Variants in SPCS1 observed in about 807,000 individuals in gnomAD.
The protein encoded by SPCS1 is SPase 12 kDa subunit.
SPCS1 carries 10 observed loss-of-function variants against 16.4 expected under a neutral mutation model. That is an observed-to-expected ratio of 0.61 (90% CI 0.38 to 1.03). The LOEUF is 1.03. SPCS1 is among the 50% of genes least tolerant of loss of function. SPCS1 has a pLI of 0.01. For missense variants in SPCS1, 118 were observed against 123.8 expected, an observed-to-expected ratio of 0.95 and a Z score of 0.22; for synonymous variants, 47 against 42.5, an observed-to-expected ratio of 1.10 and a Z score of -0.41.
In SPCS1 at chr3:52,706,827, A is replaced by T; in HGVS notation, c.131A>T (p.Gln44Leu). ...VGFIYGYVAE[Q>L]FGWTVYIVMA... ...TTTATCTACGGGTACGTGGCTGAAC[A>T]GTTCGGGTGGACTGTCTATATAGTT... The change falls in exon 3 of 4, where the codon CAG becomes CTG. Residue 44 changes from glutamine to leucine, a missense_variant. Coordinates refer to ENST00000619898, the MANE Select transcript of SPCS1 (RefSeq NM_014041.5). 1.2e-6 allele frequency: 2 copies of T among 1,614,136 alleles called. No individual in the cohort carries two copies. Among genetic ancestry groups the T allele is most frequent in the African/African-American group, 2.7e-5 (2 of 75,026 alleles).
At position 52,710,286 on chromosome 3, in the gene SPCS1, A is replaced by AC. The variant is rs2097349096; in HGVS notation, c.*2476dup. On this transcript the variant is annotated 3_prime_UTR_variant, in exon 4 of 4. Transcript: ENST00000619898. ...AGGATGAGGTAGGAGAATGGAGTGA[A>AC]CCTGGGAGGCGGAGCTTGCAGTGAT... is the stretch of plus-strand genomic sequence containing the variant. The AC allele has an allele frequency of 6.6e-6, 1 of 152,006 alleles. No homozygotes were observed. Among genetic ancestry groups the AC allele is most frequent in the African/African-American group, 2.4e-5 (1 of 41,368 alleles). 9.4% of individuals were successfully genotyped at this position (152,006 alleles called of 1,614,324 possible). A position where few individuals can be genotyped will look rare whatever the true frequency, so the allele number is the denominator to read the frequency against.
At chr3:52,706,460 C>T (rs2097344833) in intron 1 of SPCS1, 178 bp downstream of exon 1, 2 of 830,882 alleles carry the variant, frequency 2.4e-6, no homozygotes, top group South Asian at 1.8e-5. Context: ...ATCTCCTGTC[C>T]ATTCTCCGTG....
intron 1 of SPCS1, 135 bp downstream of exon 1, chr3:52,706,417 C>T (rs2097344783): frequency 2.0e-6 from 2 of 989,992 alleles, no homozygotes; most frequent in Non-Finnish European, 2.9e-6. Context: ...CCCGAATTGC[C>T]TCCTGGGTCC....
In SPCS1 at chr3:52,706,122, C is replaced by G. The variant is rs1236133385; in HGVS notation, c.-125C>G. 4.5e-6 allele frequency: 7 copies of G among 1,539,972 alleles called. No individual in the cohort carries two copies. The highest frequency in any genetic ancestry group is 6.1e-6 in the Non-Finnish European group (7 of 1,146,794). On this transcript the variant is annotated 5_prime_UTR_variant, in exon 1 of 4. Transcript: ENST00000619898. ...TCCGGGGCCGCCGCCATCGCTCTCC[C>G]GGGCTTAGAAGGCCCGGCTACTGAC...
intron 1 of SPCS1, 154 bp from the exon 2 acceptor site, chr3:52,706,490 C>G: frequency 1.2e-6 from 1 of 857,762 alleles, no homozygotes; most frequent in East Asian, 2.6e-5. Context: ...CAGTTCCTCC[C>G]GGGAAGCCCA....
rs561967540 is a variant in SPCS1 at position 52,707,919 on chromosome 3, G to A, written c.*107G>A. 1 of 1,386,506 alleles carries A rather than the reference G, an allele frequency of 7.2e-7. No homozygotes were observed. Among genetic ancestry groups the A allele is most frequent in the African/African-American group, 1.4e-5 (1 of 69,524 alleles). The allele number at this position is 1,386,506 out of a possible 1,614,324, so 85.9% of individuals were successfully genotyped here. On this transcript the variant is annotated 3_prime_UTR_variant, in exon 4 of 4. Transcript: ENST00000619898. ...CCTAATGCTCTTATGGCACAGCTGT[G>A]TATAGATTTAGTTCTCTTTATACTT...
In SPCS1 at chr3:52,706,781, A is replaced by C; in HGVS notation, c.97-12A>C. The C allele has an allele frequency of 6.2e-7, 1 of 1,612,850 alleles. No individual in the cohort carries two copies. Among genetic ancestry groups the C allele is most frequent in the East Asian group, 2.2e-5 (1 of 44,860 alleles). On this transcript the variant is annotated splice_polypyrimidine_tract_variant and intron_variant, in intron 2 of 3. Coordinates refer to ENST00000619898, the MANE Select transcript of SPCS1 (RefSeq NM_014041.5). ...AGTTTGAGTGTGTTTAATATACTTC[A>C]TTTGTCTCTAGATAGTTGGATTTAT...
At chr3:52,707,595 C>A in intron 3 of SPCS1, 92 bp from the exon 4 acceptor site, 1 of 1,369,824 alleles carries the variant, frequency 7.3e-7, no homozygotes, top group Non-Finnish European at 1.0e-6. Context: ...GTTCCCTCAG[C>A]ATAGGAGTCA....
rs1388738961 is a variant in SPCS1 at position 52,707,751 on chromosome 3, C to CA, written c.250dup (p.Ser84LysfsTer13). ...CTCAAGTGGTTACCTGTTCAAGAAT[C>CA]AAGCACAGACGACAAGAAACCAGGG... On this transcript the variant is annotated frameshift_variant, in exon 4 of 4. Transcript: ENST00000619898. LOFTEE classifies it high-confidence loss of function. 6.2e-7 allele frequency: 1 copy of CA among 1,613,956 alleles called. No homozygotes were observed. Among genetic ancestry groups the CA allele is most frequent in the Non-Finnish European group, 8.5e-7 (1 of 1,180,000 alleles).
chr3:52,708,750 A>G lies in SPCS1; in HGVS notation c.*938A>G, dbSNP rs1244921779. On this transcript the variant is annotated 3_prime_UTR_variant, in exon 4 of 4. Transcript: ENST00000619898. ...CGGATCATGTACAAAGCAACAGGAA[A>G]AAAAAAACTGCAAGCAGTAAAGGTT... The G allele has an allele frequency of 6.6e-6, 1 of 152,202 alleles. No homozygotes were observed. The highest frequency in any genetic ancestry group is 1.5e-5 in the Non-Finnish European group (1 of 68,034). The allele number at this position is 152,202 out of a possible 1,614,324, so 9.4% of individuals were successfully genotyped here.
Position 52,709,431 on chromosome 3 carries a change from G to C in SPCS1, c.*1619G>C, listed in dbSNP as rs939365720. On this transcript the variant is annotated 3_prime_UTR_variant, in exon 4 of 4. Coordinates refer to ENST00000619898, the MANE Select transcript of SPCS1 (RefSeq NM_014041.5). ...AATAAGAAAGTATGGGGGAAGTCAG[G>C]TGTGGTGGTTCATGCCTATAATCCC... The C allele has an allele frequency of 6.6e-6, 1 of 151,916 alleles. No individual in the cohort carries two copies. Among genetic ancestry groups the C allele is most frequent in the Non-Finnish European group, 1.5e-5 (1 of 67,986 alleles). 9.4% of individuals were successfully genotyped at this position (151,916 alleles called of 1,614,324 possible). A position where few individuals can be genotyped will look rare whatever the true frequency, so the allele number is the denominator to read the frequency against.
chr3:52,707,144 G>A (rs3755798), intron 3 of SPCS1: 189,024 of 427,584 alleles, frequency 0.44, 42,144 homozygotes, highest in Admixed American at 0.52. Context: ...TGGTGCTCAC[G>A]TTGTCCCTTC....
At position 52,708,041 on chromosome 3, in the gene SPCS1, A is replaced by C; in HGVS notation, c.*229A>C. On this transcript the variant is annotated 3_prime_UTR_variant, in exon 4 of 4. Coordinates refer to ENST00000619898, the MANE Select transcript of SPCS1 (RefSeq NM_014041.5). ...TGGGGAACAGAACACACAAGTATGA[A>C]GTTTCTTTCAGGTGTAAATAATGAA... 1 of 376,956 alleles carries C rather than the reference A, an allele frequency of 2.7e-6. No individual in the cohort carries two copies. The highest frequency in any genetic ancestry group is 4.8e-6 in the Non-Finnish European group (1 of 207,288). The allele number at this position is 376,956 out of a possible 1,614,324, so 23.4% of individuals were successfully genotyped here. A position where few individuals can be genotyped will look rare whatever the true frequency, so the allele number is the denominator to read the frequency against.
Position 52,709,990 on chromosome 3 carries a change from G to A in SPCS1, c.*2178G>A, listed in dbSNP as rs2097348766. On this transcript the variant is annotated 3_prime_UTR_variant, in exon 4 of 4. Transcript: ENST00000619898. Reference sequence around the variant, plus strand: ...ACCAGGCTGTGAGCACTGTAAAAGGGCAGGAAGTATTGTTTTATTCACCAC... The same window carrying A: ...ACCAGGCTGTGAGCACTGTAAAAGGACAGGAAGTATTGTTTTATTCACCAC... 6.6e-6 allele frequency: 1 copy of A among 152,168 alleles called. No individual in the cohort carries two copies. The highest frequency in any genetic ancestry group is 1.5e-5 in the Non-Finnish European group (1 of 68,046). 9.4% of individuals were successfully genotyped at this position (152,168 alleles called of 1,614,324 possible).
At position 52,706,187 on chromosome 3, in the gene SPCS1, C is replaced by A; in HGVS notation, c.-60C>A. ...CTTACCCCTCACGGTCCTTAAGTCT[C>A]GGTCGCCCTCGCCTCGCAGCCTGCC... On this transcript the variant is annotated 5_prime_UTR_variant, in exon 1 of 4. Coordinates refer to ENST00000619898, the MANE Select transcript of SPCS1 (RefSeq NM_014041.5). The A allele has an allele frequency of 6.4e-7, 1 of 1,552,366 alleles. No individual in the cohort carries two copies.
At chr3:52,707,055 A>G in intron 3 of SPCS1, 176 bp downstream of exon 3, 1 of 627,216 alleles carries the variant, frequency 1.6e-6, no homozygotes, top group Admixed American at 2.8e-5. Context: ...GGTGCGAACT[A>G]TATAAAAGGA....
rs927629018 is a variant in SPCS1 at position 52,706,167 on chromosome 3, C to T, written c.-80C>T. On this transcript the variant is annotated 5_prime_UTR_variant, in exon 1 of 4. Coordinates refer to ENST00000619898, the MANE Select transcript of SPCS1 (RefSeq NM_014041.5). ...ACTGACGCGCAGTGCCAGACCTTACCCCTCACGGTCCTTAAGTCTCGGTCG... is the reference window on the plus strand; with the variant it reads ...ACTGACGCGCAGTGCCAGACCTTACTCCTCACGGTCCTTAAGTCTCGGTCG... The T allele has an allele frequency of 1.9e-6, 3 of 1,546,232 alleles. No homozygotes were observed. The highest frequency in any genetic ancestry group is 2.6e-6 in the Non-Finnish European group (3 of 1,150,334).
At position 52,706,253 on chromosome 3, in the gene SPCS1, G is replaced by C; in HGVS notation, c.7G>C (p.Glu3Gln). The C allele has an allele frequency of 1.3e-6, 2 of 1,594,514 alleles. No homozygotes were observed. Among genetic ancestry groups the C allele is most frequent in the Non-Finnish European group, 1.7e-6 (2 of 1,178,038 alleles). MLEHLSSLPTQMD... is the reference protein window; with the variant it reads MLQHLSSLPTQMD... Reference sequence around the variant, plus strand: ...CCCGCCTCCTCAGCCAGCCATGCTGGAGCATCTGAGCTCGCTGCCCACGCA... The same window carrying C: ...CCCGCCTCCTCAGCCAGCCATGCTGCAGCATCTGAGCTCGCTGCCCACGCA... The change falls in exon 1 of 4, where the codon GAG becomes CAG. Residue 3 changes from glutamate (E) to glutamine (Q), a missense_variant. By Grantham distance (29) the Glu-to-Gln change is conservative (BLOSUM62 2). Coordinates refer to ENST00000619898, the MANE Select transcript of SPCS1 (RefSeq NM_014041.5).
At chr3:52,707,067 A>G in intron 3 of SPCS1, 188 bp downstream of exon 3, 1 of 608,760 alleles carries the variant, frequency 1.6e-6, no homozygotes, top group Non-Finnish European at 3.0e-6. Flanking sequence ...ATAAAAGGAC[A>G]CAGCTTATTT....
Sources: allele counts gnomAD v4.1 joint callset, GRCh38; gene constraint gnomAD v4.1.1; transcripts MANE v1.5; gene names NCBI Gene and HGNC (gene_info 2026-07-23, HGNC 2026-07-21).